NFASC: variants seen among roughly 807,000 people sequenced by gnomAD.
NFASC encodes the protein neurofascin.
A neutral mutation model predicts 147.5 loss-of-function variants in NFASC; 43 were observed. The ratio of observed to expected loss-of-function variants is 0.29; its 90% CI spans 0.23 to 0.38. The LOEUF is 0.38. Ranked by LOEUF, NFASC falls within the 10% of genes least tolerant of loss-of-function variation. NFASC has a pLI of 1.00. For missense variants in NFASC, 1,320 were observed against 1,689.0 expected (o/e 0.78, Z 3.83); for synonymous variants, 622 against 665.5 (o/e 0.93, Z 1.01).
Position 204,957,756 on chromosome 1 carries a change from T to C in NFASC, c.636T>C (p.Ser212=). ...VMLQDMQTDY[S]CNARFHFTHT... is the part of the protein sequence containing the mutation. ...TGCAGGACATGCAGACCGACTACAG[T>C]TGTAACGCCCGCTTCCACTTCACCC... The change falls in exon 8 of 30, where the codon AGT becomes AGC. Residue 212 remains serine (S), a synonymous_variant. Coordinates refer to ENST00000339876, the MANE Select transcript of NFASC (RefSeq NM_001005388.3). 6.2e-7 allele frequency: 1 copy of C among 1,614,080 alleles called. No individual in the cohort carries two copies. Among genetic ancestry groups the C allele is most frequent in the East Asian group, 2.2e-5 (1 of 44,886 alleles).
At chr1:204,973,168 G>A (rs2095308488) in intron 11 of NFASC, 108 bp from the exon 12 acceptor site, 10 of 1,193,000 alleles carry the variant, frequency 8.4e-6, no homozygotes, top group Non-Finnish European at 1.2e-5. Flanking sequence ...CCCATCTGGT[G>A]CTCCCCACAG....
At chr1:204,845,729 C>T (rs576051993) in intron 1 of NFASC, among the ~76,000 whole-genome samples, 22 of 151,898 alleles carry the variant, frequency 1.4e-4, no homozygotes, top group Admixed American at 2.0e-4. Flanking sequence ...TAGCGAAATG[C>T]CATTTCTAAA....
chr1:204,841,419 T>C (rs2102500178), intron 1 of NFASC, among the ~76,000 whole-genome samples: 1 of 152,302 alleles, frequency 6.6e-6, no homozygotes, highest in Admixed American at 6.5e-5. Context: ...TTGTATTAGT[T>C]AGTGAGATAA....
At chr1:204,966,377 C>T (rs1056921885) in intron 8 of NFASC, among the ~76,000 whole-genome samples, 47 of 152,222 alleles carry the variant, frequency 3.1e-4, no homozygotes, top group African/African-American at 8.7e-4. Flanking sequence ...AGGAGTATGA[C>T]GACTTAGCTG....
At position 204,935,657 on chromosome 1, in the gene NFASC, T is replaced by TG. The variant is rs563368904; in HGVS notation, c.-90-8565dup. On this transcript the variant is annotated intron_variant, in intron 2 of 29. Coordinates refer to ENST00000339876, the MANE Select transcript of NFASC (RefSeq NM_001005388.3). ...CAGCGTCTGATCTGTTCAGTCTGCA[T>TG]GGGGTATAAGTAGGAGTGATCCGAA... is the stretch of plus-strand genomic sequence containing the variant. Among the ~76,000 whole-genome samples the TG allele has an allele frequency of 1.9e-4, 29 of 152,244 alleles. No individual in the cohort carries two copies. In the East Asian group the frequency reaches 2.7e-3, roughly 14 times the overall value.
In NFASC at chr1:205,018,096, C is replaced by T. The variant is rs1452987143; in HGVS notation, c.*1557C>T. 6.5e-6 allele frequency: 1 copy of T among 152,808 alleles called. No individual in the cohort carries two copies. The highest frequency in any genetic ancestry group is 1.5e-5 in the Non-Finnish European group (1 of 68,124). The allele number at this position is 152,808 out of a possible 1,614,324, so 9.5% of individuals were successfully genotyped here. Reference sequence around the variant, plus strand: ...GACCGAAGGTGCTGCCTTCATCCTCCCCACCTAATGCATTTTTGAAACCAA... The same window carrying T: ...GACCGAAGGTGCTGCCTTCATCCTCTCCACCTAATGCATTTTTGAAACCAA... On this transcript the variant is annotated 3_prime_UTR_variant, in exon 30 of 30. Transcript: ENST00000339876.
chr1:204,955,090 A>C, intron 7 of NFASC, 139 bp downstream of exon 7: 1 of 1,025,594 alleles, frequency 9.8e-7, no homozygotes. Context: ...CCAGGCTGAG[A>C]ACACAGGCTC....
chr1:205,012,761 G>A (rs375733764), intron 28 of NFASC, 36 bp from the exon 29 acceptor site: 110 of 1,511,026 alleles, frequency 7.3e-5, no homozygotes, highest in African/African-American at 2.5e-4. Context: ...GTACTTAATC[G>A]TCGTGTCTGT....
chr1:204,867,434 C>T (rs958539891), intron 1 of NFASC, among the ~76,000 whole-genome samples: 1 of 148,558 alleles, frequency 6.7e-6, no homozygotes, highest in South Asian at 2.1e-4. Context: ...CACACACACA[C>T]ACACACTACA....
At chr1:205,000,794 T>A in intron 25 of NFASC, 1 of 271,622 alleles carries the variant, frequency 3.7e-6, no homozygotes, top group South Asian at 3.5e-5. Context: ...ACCACTGTAC[T>A]CCAGCTTGGG....
chr1:204,941,885 A>T (rs1211071691), intron 2 of NFASC, among the ~76,000 whole-genome samples: 1 of 152,048 alleles, frequency 6.6e-6, no homozygotes, highest in Non-Finnish European at 1.5e-5. Flanking sequence ...ACAGTATGCC[A>T]CCCAGGTCCA....
At chr1:204,843,111 C>T (rs1675858367) in intron 1 of NFASC, among the ~76,000 whole-genome samples, 1 of 152,114 alleles carries the variant, frequency 6.6e-6, no homozygotes, top group Non-Finnish European at 1.5e-5. Context: ...TTATATGGCA[C>T]CATAAAAAGT....
intron 2 of NFASC, among the ~76,000 whole-genome samples, chr1:204,941,186 G>A (rs1573428592): frequency 6.6e-6 from 1 of 152,174 alleles, no homozygotes; most frequent in South Asian, 2.1e-4. Context: ...CCCTTCTCTC[G>A]GCTTTTGTTT....
At chr1:205,003,953 A>AT (rs1457401897) in intron 27 of NFASC, among the ~76,000 whole-genome samples, 1 of 152,076 alleles carries the variant, frequency 6.6e-6, no homozygotes, top group African/African-American at 2.4e-5. Flanking sequence ...GGGCTCCCTG[A>AT]TTGAGGCTAG....
intron 8 of NFASC, among the ~76,000 whole-genome samples, chr1:204,958,595 G>A (rs191313647): frequency 1.3e-5 from 2 of 152,292 alleles, no homozygotes; most frequent in East Asian, 3.9e-4. Context: ...GCCCACTCAG[G>A]ACGTTGGAAG....
At chr1:204,887,616 T>TTTTTG in intron 1 of NFASC, among the ~76,000 whole-genome samples, 1 of 139,510 alleles carries the variant, frequency 7.2e-6, no homozygotes, top group Non-Finnish European at 1.5e-5. Context: ...TTTTTTTTTT[T>TTTTTG]GAGACAGGGT....
intron 1 of NFASC, among the ~76,000 whole-genome samples, chr1:204,899,257 G>GT (rs1352336452): frequency 3.9e-5 from 6 of 152,228 alleles, no homozygotes; most frequent in Non-Finnish European, 7.3e-5. Context: ...TGCAAAAGCC[G>GT]TAAGTGCTCA....
At chr1:204,877,930 G>A (rs565056219) in intron 1 of NFASC, among the ~76,000 whole-genome samples, 35 of 152,286 alleles carry the variant, frequency 2.3e-4, no homozygotes, top group Non-Finnish European at 4.0e-4. Context: ...CGTGCCTGTG[G>A]CAAATGATGT....
chr1:204,890,009 A>G (rs908817476), intron 1 of NFASC, among the ~76,000 whole-genome samples: 1 of 152,166 alleles, frequency 6.6e-6, no homozygotes, highest in Non-Finnish European at 1.5e-5. Context: ...TCGGGGCTGT[A>G]ACAAAGTCAT....
Sources: gnomAD v4.1 joint callset for allele counts (sites outside exome capture counted in the v4.1 genomes callset) on GRCh38, gnomAD v4.1.1 for gene constraint, MANE v1.5 for transcripts, NCBI Gene and HGNC (gene_info 2026-07-23, HGNC 2026-07-21) for gene names.